The following GRM7 variants were observed in gnomAD, a reference collection of about 807,000 sequenced individuals.
GRM7 encodes the protein metabotropic glutamate receptor 7.
A neutral mutation model predicts 84.5 loss-of-function variants in GRM7; 35 were observed. The observed-to-expected ratio is 0.41, with a 90% CI of 0.32 to 0.55. The LOEUF (loss-of-function observed/expected upper bound fraction) is 0.55. Ranked by LOEUF, GRM7 falls within the 20% of genes least tolerant of loss-of-function variation. The pLI, the probability that GRM7 is intolerant of heterozygous loss-of-function variation, is 0.19. For synonymous variants in GRM7, 487 were observed against 455.1 expected (o/e 1.07, Z -0.89); for missense variants, 1,003 against 1,194.6 (o/e 0.84, Z 2.36).
In GRM7 at chr3:7,306,414, C is replaced by G; in HGVS notation, c.879-84C>G. The G allele has an allele frequency of 1.1e-5, 13 of 1,181,524 alleles. No homozygotes were observed. In the South Asian group the frequency reaches 1.7e-4, roughly 15 times the overall value. The allele number at this position is 1,181,524 out of a possible 1,614,324, so 73.2% of individuals were successfully genotyped here. A position where few individuals can be genotyped will look rare whatever the true frequency, so the allele number is the denominator to read the frequency against. The stretch of plus-strand genomic sequence containing the variant: ...TTTACTTTTTGAGGAAGAATAGTAC[C>G]TTTCCTTTTGCTGACTTGCAATCTA... On this transcript the variant is annotated intron_variant, in intron 3 of 9. Coordinates refer to ENST00000357716, the MANE Select transcript of GRM7 (RefSeq NM_000844.4).
At chr3:7,129,765 C>T (rs1693529812) in intron 1 of GRM7, among the ~76,000 whole-genome samples, 1 of 152,154 alleles carries the variant, frequency 6.6e-6, no homozygotes, top group Non-Finnish European at 1.5e-5. Flanking sequence ...ACTGAAACTT[C>T]CATACCAGCT....
At chr3:7,121,105 A>G (rs1259128683) in intron 1 of GRM7, among the ~76,000 whole-genome samples, 1 of 152,164 alleles carries the variant, frequency 6.6e-6, no homozygotes, top group Non-Finnish European at 1.5e-5. Flanking sequence ...TGTTTGTTGA[A>G]CTATAGATGA....
chr3:6,937,088 G>A (rs966496036), intron 1 of GRM7, among the ~76,000 whole-genome samples: 6 of 152,152 alleles, frequency 3.9e-5, no homozygotes, highest in Non-Finnish European at 4.4e-5. Context: ...AGAAAGTCAC[G>A]GTATTTATTC....
chr3:7,613,083 C>T (rs1322893338), intron 8 of GRM7, among the ~76,000 whole-genome samples: 2 of 151,778 alleles, frequency 1.3e-5, no homozygotes, highest in Middle Eastern at 3.4e-3. Context: ...TAAAAACTAT[C>T]TCCCAACATA....
chr3:6,861,796 C>T lies in GRM7; in HGVS notation c.408C>T (p.Cys136=). 6.2e-7 allele frequency: 1 copy of T among 1,614,170 alleles called. No individual in the cohort carries two copies. Among genetic ancestry groups the T allele is most frequent in the South Asian group, 1.1e-5 (1 of 91,084 alleles). ...LIQKDTSDVR[C]TNGEPPVFVK... ...AGAAGGACACCTCCGACGTGCGCTGCACCAACGGCGAACCGCCGGTTTTCG... is the reference window on the plus strand; with the variant it reads ...AGAAGGACACCTCCGACGTGCGCTGTACCAACGGCGAACCGCCGGTTTTCG... Residue 136 remains cysteine (C), a synonymous_variant, in exon 1 of 10, where the codon TGC becomes TGT. Transcript: ENST00000357716. This position sits in a 1 kb window ranked among gnomAD's most constrained non-coding sequence, Gnocchi z 6.4.
At chr3:7,644,023 C>T (rs1254655335) in intron 8 of GRM7, among the ~76,000 whole-genome samples, 2 of 45,376 alleles carry the variant, frequency 4.4e-5, no homozygotes, top group African/African-American at 1.9e-4. Context: ...TATATATACA[C>T]ACACACACAC....
intron 1 of GRM7, among the ~76,000 whole-genome samples, chr3:7,104,942 A>G (rs1699243544): frequency 6.6e-6 from 1 of 151,898 alleles, no homozygotes; most frequent in Non-Finnish European, 1.5e-5. Context: ...TAATATACAC[A>G]TGGCATTAAT....
chr3:7,409,309 A>C (rs565656382), intron 4 of GRM7, among the ~76,000 whole-genome samples: 1 of 152,354 alleles, frequency 6.6e-6, no homozygotes, highest in South Asian at 2.1e-4. Flanking sequence ...TTGAGATCAC[A>C]CAAAATCTAT....
chr3:7,282,067 G>A (rs980705659), intron 2 of GRM7, among the ~76,000 whole-genome samples: 8 of 152,054 alleles, frequency 5.3e-5, no homozygotes, highest in Admixed American at 4.6e-4. Context: ...TGGGCGACAG[G>A]ATGAGACTCC....
At chr3:7,301,261 C>T (rs568079815) in intron 3 of GRM7, among the ~76,000 whole-genome samples, 1 of 152,242 alleles carries the variant, frequency 6.6e-6, no homozygotes, top group African/African-American at 2.4e-5. Flanking sequence ...GATCCTGATT[C>T]TGATCATCCC....
chr3:7,472,367 G>GC (rs375212868), intron 7 of GRM7, among the ~76,000 whole-genome samples: 18,942 of 152,152 alleles, frequency 0.12, 3,829 homozygotes, highest in African/African-American at 0.43. Context: ...GGAATGTTAA[G>GC]TTTTATACTT....
chr3:7,024,903 A>T (rs1695920572), intron 1 of GRM7, among the ~76,000 whole-genome samples: 1 of 152,206 alleles, frequency 6.6e-6, no homozygotes, highest in East Asian at 1.9e-4. Context: ...AGTGGCTTAA[A>T]ACGATGTAAA....
intron 7 of GRM7, chr3:7,519,939 C>G (rs140102642): frequency 6.6e-6 from 1 of 152,210 alleles, no homozygotes; most frequent in Non-Finnish European, 1.5e-5. Flanking sequence ...TCCATGTGAG[C>G]CTTTGTATGC....
chr3:7,713,795 CTTTTTTTTTTTTTT>C (rs60007117), intron 9 of GRM7, among the ~76,000 whole-genome samples: 2 of 64,744 alleles, frequency 3.1e-5, no homozygotes, highest in African/African-American at 1.0e-4. Flanking sequence ...CGGATGCTTT[CTTTTTTTTTTTTTT>C]TTTTTTTTTT....
chr3:7,229,745 A>ATT (rs1697111526), intron 2 of GRM7, among the ~76,000 whole-genome samples: 1 of 30,890 alleles, frequency 3.2e-5, no homozygotes, highest in African/African-American at 1.1e-4. Context: ...ATATATATAT[A>ATT]TATATATATA....
chr3:7,334,554 A>G (rs1209924054), intron 4 of GRM7, among the ~76,000 whole-genome samples: 3 of 152,208 alleles, frequency 2.0e-5, no homozygotes, highest in Non-Finnish European at 2.9e-5. Context: ...TGAATAGAAC[A>G]GTACCTCATA....
intron 1 of GRM7, among the ~76,000 whole-genome samples, chr3:6,921,670 A>G (rs1265021300): frequency 6.6e-6 from 1 of 152,112 alleles, no homozygotes; most frequent in Non-Finnish European, 1.5e-5. Context: ...ACTGTGTCTT[A>G]TTGAGTAATA....
At chr3:7,294,646 A>G (rs1457836982) in intron 2 of GRM7, among the ~76,000 whole-genome samples, 1 of 152,104 alleles carries the variant, frequency 6.6e-6, no homozygotes, top group Non-Finnish European at 1.5e-5. Context: ...ACCAATATGG[A>G]GACACCCAGG....
chr3:7,146,642 C>T lies in GRM7; in HGVS notation c.710C>T (p.Ser237Phe). 1.2e-6 allele frequency: 2 copies of T among 1,613,284 alleles called. No individual in the cohort carries two copies. The highest frequency in any genetic ancestry group is 1.7e-6 in the Non-Finnish European group (2 of 1,179,708). The change falls in exon 2 of 10, where the codon TCC becomes TTC. Residue 237 changes from serine (S) to phenylalanine (F), a missense_variant. By Grantham distance (155) the Ser-to-Phe change is radical (BLOSUM62 -2). Transcript: ENST00000357716. The part of the protein sequence containing the change: ...EGSYGEKGVE[S>F]FTQISKEAGG... ...AGTTATGGAGAGAAAGGTGTGGAGT[C>T]CTTCACGCAGATTTCCAAAGAGGCA...
Sources: allele counts gnomAD v4.1 joint callset (sites outside exome capture counted in the v4.1 genomes callset), GRCh38; gene constraint gnomAD v4.1.1; non-coding constraint Gnocchi (gnomAD v3.1); transcripts MANE v1.5; gene names NCBI Gene and HGNC (gene_info 2026-07-23, HGNC 2026-07-21).